The following NELFB variants were observed in gnomAD, a reference collection of about 807,000 sequenced individuals.
NELFB encodes negative elongation factor complex member B, also known as negative elongation factor B.
Under a neutral mutation model 60.2 loss-of-function variants are expected in NELFB, and 34 were observed. The observed-to-expected ratio is 0.56, with a 90% CI of 0.43 to 0.75. The LOEUF is 0.75. Ranked by LOEUF, NELFB falls within the 30% of genes least tolerant of loss-of-function variation. The pLI is 0.00. For missense variants in NELFB, 770 were observed against 831.6 expected, an observed-to-expected ratio of 0.93 and a Z score of 0.91; for synonymous variants, 459 against 382.1, an observed-to-expected ratio of 1.20 and a Z score of -2.35.
intron 4 of NELFB, among the ~76,000 whole-genome samples, 168 bp downstream of exon 4, chr9:137,257,222 G>A (rs1350213291): frequency 2.6e-5 from 4 of 152,268 alleles, no homozygotes; most frequent in Admixed American, 6.5e-5. Context: ...TGGAAAGAAA[G>A]TTGGTTGTTT....
chr9:137,256,398 G>C lies in NELFB; in HGVS notation c.480G>C (p.Val160=), dbSNP rs1416196212. ...TGAAGATGCCGTCCCTGCAGCCCGT[G>C]GTGATGTGCGTCATGAAGCACCTGC... Residue 160 remains valine, a synonymous_variant, in exon 3 of 13, where the codon GTG becomes GTC. Transcript: ENST00000343053. The C allele has an allele frequency of 2.5e-6, 4 of 1,613,816 alleles. No homozygotes were observed. Among genetic ancestry groups the C allele is most frequent in the Non-Finnish European group, 2.5e-6 (3 of 1,180,026 alleles).
At chr9:137,267,451 TC>T in intron 10 of NELFB, 105 bp downstream of exon 10, 1 of 821,582 alleles carries the variant, frequency 1.2e-6, no homozygotes. Context: ...CTGCCTTGTC[TC>T]CCCAGCCCAC....
intron 10 of NELFB, 37 bp from the exon 11 acceptor site, chr9:137,272,044 G>T (rs200907488): frequency 6.2e-7 from 1 of 1,612,752 alleles, no homozygotes; most frequent in Non-Finnish European, 8.5e-7. Context: ...GGTGGGCAGG[G>T]TGAGTGGCAC....
At position 137,265,533 on chromosome 9, in the gene NELFB, C is replaced by T. The variant is rs560986487; in HGVS notation, c.1041-344C>T. Among the ~76,000 whole-genome samples the T allele has an allele frequency of 1.3e-4, 20 of 151,846 alleles. No homozygotes were observed. In the South Asian group the frequency reaches 2.5e-3, roughly 19 times the overall value. On this transcript the variant is annotated intron_variant, in intron 6 of 12. Coordinates refer to ENST00000343053, the MANE Select transcript of NELFB (RefSeq NM_015456.5). ...CCTCCCGAGTAGCTGGGACCACAGG[C>T]GACCACCACCACGCCCGGCTAATTT...
At chr9:137,258,272 T>A (rs2131474672) in intron 4 of NELFB, among the ~76,000 whole-genome samples, 1 of 151,474 alleles carries the variant, frequency 6.6e-6, no homozygotes, top group African/African-American at 2.4e-5. Context: ...CACCGGTGTG[T>A]GACACCATGC....
At chr9:137,256,259 T>C in intron 2 of NELFB, 70 bp from the exon 3 acceptor site, 1 of 1,486,694 alleles carries the variant, frequency 6.7e-7, no homozygotes, top group South Asian at 1.1e-5. Context: ...CTGTTATCTG[T>C]GTAGGGACAG....
Position 137,255,519 on chromosome 9 carries a change from G to T in NELFB, c.154G>T (p.Gly52Trp). ...GGCCGGGGCCTCGGCCATGTTCGCG[G>T]GGCTGCAGGACCTGGGCGTGGCCAA... Residue 52 changes from glycine to tryptophan, a missense_variant, in exon 1 of 13, where the codon GGG becomes TGG. Gly to Trp is a radical substitution (Grantham distance 184, BLOSUM62 -2). Coordinates refer to ENST00000343053, the MANE Select transcript of NELFB (RefSeq NM_015456.5). 1 of 1,541,200 alleles carries T rather than the reference G, an allele frequency of 6.5e-7. No individual in the cohort carries two copies. The highest frequency in any genetic ancestry group is 8.7e-7 in the Non-Finnish European group (1 of 1,144,140).
At chr9:137,262,624 T>A (rs186712428) in intron 4 of NELFB, among the ~76,000 whole-genome samples, 2 of 152,380 alleles carry the variant, frequency 1.3e-5, no homozygotes, top group East Asian at 3.9e-4. Context: ...TATTTTGTTA[T>A]ACTGGAACAG....
chr9:137,267,492 T>A, intron 10 of NELFB, 146 bp downstream of exon 10: 12 of 213,688 alleles, frequency 5.6e-5, no homozygotes, highest in South Asian at 1.2e-4. Context: ...GTTTTCACCT[T>A]TTTTTTTTTT....
In NELFB at chr9:137,256,817, C is replaced by A; in HGVS notation, c.511-7C>A. ...GCCACTCACAGGCAGCCTGTGGTGTCATGTAGGTTCCGGAGAAAAAACTGA... is the reference window on the plus strand; with the variant it reads ...GCCACTCACAGGCAGCCTGTGGTGTAATGTAGGTTCCGGAGAAAAAACTGA... On this transcript the variant is annotated splice_region_variant and splice_polypyrimidine_tract_variant and intron_variant, in intron 3 of 12. Transcript: ENST00000343053. The A allele has an allele frequency of 6.2e-7, 1 of 1,613,648 alleles. No individual in the cohort carries two copies. Among genetic ancestry groups the A allele is most frequent in the South Asian group, 1.1e-5 (1 of 91,036 alleles).
chr9:137,257,520 G>A lies in NELFB; in HGVS notation c.741+466G>A, dbSNP rs548088166. 1.2e-4 allele frequency among the ~76,000 whole-genome samples: 10 copies of A among 84,670 alleles called. No individual in the cohort carries two copies. The East Asian group carries it at 3.0e-3, about 25-fold the overall frequency. The allele number at this position is 84,670 out of a possible 152,430, so 55.5% of individuals were successfully genotyped here. The stretch of plus-strand genomic sequence containing the variant: ...TTTCTTTTTCTTTTTTTTTTTTTTT[G>A]AGACGGAGTTTCGCTATTGTTGCCC... On this transcript the variant is annotated intron_variant, in intron 4 of 12. Transcript: ENST00000343053.
Position 137,273,016 on chromosome 9 carries a change from G to A in NELFB, c.*88G>A. ...GAGGCTCCCGGACCTGGATGTACAG[G>A]GCAGTCTCTCTTCCCGGGGCTATGG... On this transcript the variant is annotated 3_prime_UTR_variant, in exon 13 of 13. Coordinates refer to ENST00000343053, the MANE Select transcript of NELFB (RefSeq NM_015456.5). 1.5e-6 allele frequency: 2 copies of A among 1,368,650 alleles called. No individual in the cohort carries two copies. Among genetic ancestry groups the A allele is most frequent in the East Asian group, 2.6e-5 (1 of 38,770 alleles). The allele number at this position is 1,368,650 out of a possible 1,614,324, so 84.8% of individuals were successfully genotyped here.
rs1382284207 is a variant in NELFB, at chr9:137,255,879, C to T, written c.247-28C>T. The T allele has an allele frequency of 5.6e-6, 9 of 1,609,886 alleles. No individual in the cohort carries two copies. In the South Asian group the frequency reaches 7.7e-5, roughly 14 times the overall value. Reference sequence around the variant, plus strand: ...CGGGGTGCCCGGGCGCACTGGGCTGCGTTTGAGGTTTCTCTTGGCTTCCTC... The same window carrying T: ...CGGGGTGCCCGGGCGCACTGGGCTGTGTTTGAGGTTTCTCTTGGCTTCCTC... On this transcript the variant is annotated intron_variant, in intron 1 of 12. Transcript: ENST00000343053.
intron 4 of NELFB, among the ~76,000 whole-genome samples, 154 bp from the exon 5 acceptor site, chr9:137,262,883 G>A (rs1830466777): frequency 6.6e-6 from 1 of 152,222 alleles, no homozygotes; most frequent in African/African-American, 2.4e-5. Flanking sequence ...ATCAGACTGG[G>A]GGCCAATATT....
intron 4 of NELFB, among the ~76,000 whole-genome samples, chr9:137,262,282 T>G (rs190813749): frequency 4.6e-5 from 7 of 152,300 alleles, no homozygotes; most frequent in East Asian, 1.9e-4. Flanking sequence ...GTCTGCTAAG[T>G]AGCGGGTGTT....
Position 137,269,965 on chromosome 9 carries a change from C to T in NELFB, c.1490-2116C>T, listed in dbSNP as rs1830563034. On this transcript the variant is annotated intron_variant, in intron 10 of 12. Coordinates refer to ENST00000343053, the MANE Select transcript of NELFB (RefSeq NM_015456.5). The surrounding 1 kb of genome is among the most constrained non-coding windows in gnomAD (Gnocchi z 5.3). ...TGGATGTTGATTTTTAGAATTCTCT[C>T]CTGTTTATTTTTTAACATTTTGTGG... Among the ~76,000 whole-genome samples, 1 of 152,134 alleles carries T rather than the reference C, an allele frequency of 6.6e-6. No homozygotes were observed. Among genetic ancestry groups the T allele is most frequent in the Non-Finnish European group, 1.5e-5 (1 of 68,032 alleles).
chr9:137,268,345 G>A (rs1391641090), intron 10 of NELFB, among the ~76,000 whole-genome samples: 2 of 152,198 alleles, frequency 1.3e-5, no homozygotes, highest in Non-Finnish European at 2.9e-5. Flanking sequence ...CAGTGCTTTG[G>A]GAGGCTGAGG....
intron 4 of NELFB, among the ~76,000 whole-genome samples, chr9:137,259,007 C>T (rs1837602673): frequency 6.6e-6 from 1 of 151,834 alleles, no homozygotes; most frequent in Non-Finnish European, 1.5e-5. Flanking sequence ...AGTTAAAGAC[C>T]AAAGGGAGAC....
intron 4 of NELFB, among the ~76,000 whole-genome samples, chr9:137,262,501 T>C (rs1830461399): frequency 6.6e-6 from 1 of 152,246 alleles, no homozygotes; most frequent in Non-Finnish European, 1.5e-5. Flanking sequence ...AGATTATGAT[T>C]GTAGAGCGAG....
Sources: gnomAD v4.1 joint callset for allele counts (sites outside exome capture counted in the v4.1 genomes callset) on GRCh38, gnomAD v4.1.1 for gene constraint, Gnocchi (gnomAD v3.1) non-coding constraint, MANE v1.5 for transcripts, NCBI Gene and HGNC (gene_info 2026-07-23, HGNC 2026-07-21) for gene names.